WASL: variants seen among roughly 807,000 people sequenced by gnomAD.
The protein encoded by WASL is actin nucleation-promoting factor WASL.
WASL carries 20 observed loss-of-function variants against 55.5 expected under a neutral mutation model. The ratio of observed to expected loss-of-function variants is 0.36; its 90% CI spans 0.25 to 0.52. The LOEUF (loss-of-function observed/expected upper bound fraction) is 0.52, where lower values mean the gene tolerates loss of function less well. WASL is among the 20% of genes least tolerant of loss of function. The probability of loss-of-function intolerance (pLI) is 0.92; values close to 1 mark genes in which losing one functional copy is unlikely to be tolerated. For missense variants in WASL, 504 were observed against 622.5 expected (o/e 0.81, Z 2.03); for synonymous variants, 249 against 217.6 (o/e 1.14, Z -1.27).
At chr7:123,688,797 T>G (rs190427989) in intron 10 of WASL, among the ~76,000 whole-genome samples, 78 of 152,344 alleles carry the variant, frequency 5.1e-4, no homozygotes, top group Admixed American at 9.1e-4. Flanking sequence ...CCCAAAGCTG[T>G]TCTTTCAATT....
intron 1 of WASL, among the ~76,000 whole-genome samples, chr7:123,724,415 G>A (rs1297124316): frequency 6.6e-6 from 1 of 152,154 alleles, no homozygotes; most frequent in African/African-American, 2.4e-5. Context: ...ACTTGATCAA[G>A]TTTTTTCAAT....
chr7:123,703,602 T>C (rs547281278), intron 5 of WASL, among the ~76,000 whole-genome samples: 3 of 152,298 alleles, frequency 2.0e-5, no homozygotes, highest in African/African-American at 7.2e-5. Flanking sequence ...TTTAAAAAAT[T>C]AATAATAAGG....
chr7:123,693,094 GC>G (rs778242909), intron 8 of WASL, among the ~76,000 whole-genome samples: 16 of 151,888 alleles, frequency 1.1e-4, no homozygotes, highest in Non-Finnish European at 2.1e-4. Context: ...AAAAATATGA[GC>G]TAAAACAGAA....
intron 1 of WASL, among the ~76,000 whole-genome samples, chr7:123,724,628 C>A (rs940471930): frequency 2.0e-5 from 3 of 152,130 alleles, no homozygotes; most frequent in African/African-American, 7.2e-5. Flanking sequence ...ATGCGTTTTG[C>A]ATTTATTCAT....
chr7:123,723,033 G>C (rs1043885922), intron 1 of WASL, among the ~76,000 whole-genome samples: 1 of 152,056 alleles, frequency 6.6e-6, no homozygotes, highest in South Asian at 2.1e-4. Flanking sequence ...AGCAATTACT[G>C]AACTACCCTA....
intron 1 of WASL, among the ~76,000 whole-genome samples, chr7:123,726,905 G>C (rs1584870076): frequency 6.6e-6 from 1 of 152,104 alleles, no homozygotes; most frequent in Middle Eastern, 3.4e-3. Context: ...GCTACAGACT[G>C]GGAGAAAATA....
chr7:123,725,358 C>T (rs554953868), intron 1 of WASL, among the ~76,000 whole-genome samples: 3 of 152,002 alleles, frequency 2.0e-5, no homozygotes, highest in East Asian at 1.9e-4. Flanking sequence ...ACTCAAGATG[C>T]TAATAATCTG....
At chr7:123,712,759 C>T (rs1803779161) in intron 1 of WASL, among the ~76,000 whole-genome samples, 1 of 152,100 alleles carries the variant, frequency 6.6e-6, no homozygotes, top group South Asian at 2.1e-4. Context: ...GCTGCAATGG[C>T]CCAAAACTAA....
chr7:123,709,193 C>T lies in WASL; in HGVS notation c.148G>A (p.Ala50Thr), dbSNP rs201648416. ...TMSSAVVQLY[A>T]ADRNCMWSKK... is the part of the protein sequence containing the mutation. ...GACCACATACAGTTCCGATCTGCTGCATATAACTGCACCACTGCTGAAGAC... is the reference window on the plus strand; with the variant it reads ...GACCACATACAGTTCCGATCTGCTGTATATAACTGCACCACTGCTGAAGAC... Residue 50 changes from alanine to threonine, a missense_variant, in exon 2 of 11, where the codon GCA (alanine) becomes ACA (threonine). Transcript: ENST00000223023. The T allele has an allele frequency of 8.1e-6, 13 of 1,611,518 alleles. No homozygotes were observed. The Admixed American group carries it at 1.8e-4, about 23-fold the overall frequency.
At chr7:123,742,059 A>G (rs556236344) in intron 1 of WASL, among the ~76,000 whole-genome samples, 1 of 152,360 alleles carries the variant, frequency 6.6e-6, no homozygotes, top group South Asian at 2.1e-4. Context: ...CAACAGAGAG[A>G]TGGCCAAAGA....
intron 1 of WASL, among the ~76,000 whole-genome samples, chr7:123,741,650 A>G (rs527938188): frequency 3.3e-4 from 50 of 152,284 alleles, no homozygotes; most frequent in African/African-American, 1.0e-3. Context: ...ACTTCCATTA[A>G]TATTATTTAT....
At chr7:123,713,077 G>A (rs920662079) in intron 1 of WASL, among the ~76,000 whole-genome samples, 2 of 151,858 alleles carry the variant, frequency 1.3e-5, no homozygotes, top group African/African-American at 4.8e-5. Flanking sequence ...CTGAATAACT[G>A]AATATTTAAT....
At chr7:123,706,163 A>T (rs1803666227) in intron 4 of WASL, 114 bp downstream of exon 4, 3 of 980,008 alleles carry the variant, frequency 3.1e-6, no homozygotes, top group Non-Finnish European at 4.5e-6. Flanking sequence ...ATGTAAACCA[A>T]TGAATACAGT....
At chr7:123,720,331 T>C (rs533933292) in intron 1 of WASL, 1 of 412,502 alleles carries the variant, frequency 2.4e-6, no homozygotes. Context: ...ACAAATAGGA[T>C]ACCATACAGC....
At chr7:123,693,050 T>G (rs897741354) in intron 8 of WASL, among the ~76,000 whole-genome samples, 183 bp from the exon 9 acceptor site, 16 of 152,162 alleles carry the variant, frequency 1.1e-4, no homozygotes, top group African/African-American at 3.9e-4. Flanking sequence ...TTGAGAATTG[T>G]CAGCCTAAAG....
At chr7:123,718,971 G>A (rs1479708964) in intron 1 of WASL, among the ~76,000 whole-genome samples, 1 of 152,142 alleles carries the variant, frequency 6.6e-6, no homozygotes, top group African/African-American at 2.4e-5. Flanking sequence ...AAAACCGAAG[G>A]TATATACCAC....
intron 1 of WASL, among the ~76,000 whole-genome samples, chr7:123,748,367 G>A (rs1804476232): frequency 6.6e-6 from 1 of 152,122 alleles, no homozygotes; most frequent in Non-Finnish European, 1.5e-5. Flanking sequence ...GCCCGGCCAG[G>A]CTGGAGGACA....
At chr7:123,704,466 A>G (rs1803636852) in intron 5 of WASL, among the ~76,000 whole-genome samples, 168 bp downstream of exon 5, 1 of 152,166 alleles carries the variant, frequency 6.6e-6, no homozygotes, top group Admixed American at 6.5e-5. Context: ...AATAAACTGT[A>G]TAATTTGATC....
At chr7:123,740,188 CAT>C (rs1187116255) in intron 1 of WASL, among the ~76,000 whole-genome samples, 3 of 152,054 alleles carry the variant, frequency 2.0e-5, no homozygotes, top group African/African-American at 7.2e-5. Flanking sequence ...ATATCTCATA[CAT>C]ATGTCAGATA....
Sources: gnomAD v4.1 joint callset for allele counts (sites outside exome capture counted in the v4.1 genomes callset) on GRCh38, gnomAD v4.1.1 for gene constraint, MANE v1.5 for transcripts, NCBI Gene and HGNC (gene_info 2026-07-23, HGNC 2026-07-21) for gene names.